The following CTNNA3 variants were observed in gnomAD, a reference collection of about 807,000 sequenced individuals.
The protein encoded by CTNNA3 is catenin alpha 3.
CTNNA3 carries 76 observed loss-of-function variants against 95.7 expected under a neutral mutation model. That is an observed-to-expected ratio of 0.79 (90% CI 0.66 to 0.96). CTNNA3 has a LOEUF of 0.96. CTNNA3 is among the 40% of genes least tolerant of loss of function. The pLI is 0.00. For synonymous variants in CTNNA3, 431 were observed against 374.4 expected (o/e 1.15, Z -1.74); for missense variants, 1,191 against 1,089.8 (o/e 1.09, Z -1.31).
intron 5 of CTNNA3, among the ~76,000 whole-genome samples, chr10:67,260,612 A>G (rs754880996): frequency 2.8e-4 from 43 of 152,310 alleles, no homozygotes; most frequent in Middle Eastern, 3.4e-3. Flanking sequence ...TTGAAATGCA[A>G]GCATTGCAGG....
At chr10:66,217,105 C>G (rs918600544) in intron 13 of CTNNA3, among the ~76,000 whole-genome samples, 1 of 152,096 alleles carries the variant, frequency 6.6e-6, no homozygotes, top group Non-Finnish European at 1.5e-5. Flanking sequence ...CCTGTAATCC[C>G]AGCACTTTGG....
At chr10:67,467,131 T>C (rs1291636142) in intron 5 of CTNNA3, among the ~76,000 whole-genome samples, 1 of 151,740 alleles carries the variant, frequency 6.6e-6, no homozygotes, top group Non-Finnish European at 1.5e-5. Context: ...GAGTGAGATC[T>C]CCTCTCAAAA....
intron 7 of CTNNA3, among the ~76,000 whole-genome samples, chr10:66,888,059 G>T (rs994508066): frequency 3.3e-5 from 5 of 152,148 alleles, no homozygotes; most frequent in Non-Finnish European, 7.4e-5. Context: ...TTGATCATGG[G>T]AGTTCTTAAA....
intron 5 of CTNNA3, among the ~76,000 whole-genome samples, chr10:67,471,486 T>C (rs751082527): frequency 1.3e-5 from 2 of 152,272 alleles, no homozygotes; most frequent in Non-Finnish European, 2.9e-5. Flanking sequence ...GCTTTTACTT[T>C]ACGGATTCAG....
At chr10:66,628,541 A>G (rs541372835) in intron 9 of CTNNA3, among the ~76,000 whole-genome samples, 18 of 152,280 alleles carry the variant, frequency 1.2e-4, no homozygotes, top group Admixed American at 1.2e-3. Flanking sequence ...ACAGAGAAAA[A>G]CTTTGAATAT....
chr10:66,702,484 C>T (rs1409104466), intron 9 of CTNNA3, among the ~76,000 whole-genome samples: 1 of 151,890 alleles, frequency 6.6e-6, no homozygotes, highest in Non-Finnish European at 1.5e-5. Context: ...ATGGGTGGAT[C>T]ACCTGAGGTC....
intron 7 of CTNNA3, among the ~76,000 whole-genome samples, chr10:66,940,140 G>T (rs918721389): frequency 2.0e-5 from 3 of 152,084 alleles, no homozygotes; most frequent in Non-Finnish European, 2.9e-5. Context: ...GCTCCAGAGC[G>T]CATAGTTTGA....
At chr10:67,706,689 C>A (rs1841080877) in intron 1 of CTNNA3, among the ~76,000 whole-genome samples, 2 of 151,990 alleles carry the variant, frequency 1.3e-5, no homozygotes, top group African/African-American at 4.8e-5. Flanking sequence ...TGGCAGGCAC[C>A]CACCTGATGT....
chr10:67,220,400 C>T (rs1864598561), intron 5 of CTNNA3, among the ~76,000 whole-genome samples: 1 of 152,142 alleles, frequency 6.6e-6, no homozygotes, highest in Non-Finnish European at 1.5e-5. Context: ...CAATTAGTTA[C>T]TGAGCACTTA....
In CTNNA3 at chr10:66,067,007, T is replaced by C. The variant is rs556007574; in HGVS notation, c.2159+2301A>G. Among the ~76,000 whole-genome samples the C allele has an allele frequency of 5.3e-5, 8 of 150,970 alleles. No individual in the cohort carries two copies. In the South Asian group the frequency reaches 1.7e-3, roughly 32 times the overall value. On this transcript the variant is annotated intron_variant, in intron 15 of 17. Transcript: ENST00000433211. Reference sequence around the variant, plus strand: ...CCTGTTGGGGCTCAGAAAAAAAAAATATACGCCAAAATGAAGGACTTAGAA... The same window carrying C: ...CCTGTTGGGGCTCAGAAAAAAAAAACATACGCCAAAATGAAGGACTTAGAA...
At chr10:67,211,236 G>A (rs574897637) in intron 6 of CTNNA3, among the ~76,000 whole-genome samples, 50 of 151,194 alleles carry the variant, frequency 3.3e-4, no homozygotes, top group Non-Finnish European at 5.5e-4. Context: ...AAAACTTGCT[G>A]TGGATTCATT....
chr10:66,605,828 G>A (rs1844101574), intron 10 of CTNNA3, among the ~76,000 whole-genome samples: 1 of 152,040 alleles, frequency 6.6e-6, no homozygotes, highest in South Asian at 2.1e-4. Flanking sequence ...TGGAAAGACT[G>A]TTACCAGCCA....
rs115019726 is a variant in CTNNA3 at position 66,866,935 on chromosome 10, G to T, written c.1048-91411C>A. Among the ~76,000 whole-genome samples the T allele has an allele frequency of 7.1e-3, 1,086 of 152,198 alleles. 13 individuals carry two copies. Among genetic ancestry groups the T allele is most frequent in the African/African-American group, 0.025 (1,025 of 41,514 alleles). On this transcript the variant is annotated intron_variant, in intron 7 of 17. Transcript: ENST00000433211. ...GAGAGATAATTGAATCATAGAGGTGGTTTCCTCCATACTGCTCTCATGGTG... is the reference window on the plus strand; with the variant it reads ...GAGAGATAATTGAATCATAGAGGTGTTTTCCTCCATACTGCTCTCATGGTG...
At chr10:66,187,754 A>AAACAAC (rs2131874634) in intron 13 of CTNNA3, among the ~76,000 whole-genome samples, 1 of 152,280 alleles carries the variant, frequency 6.6e-6, no homozygotes, top group African/African-American at 2.4e-5. Context: ...TTAAACAAAT[A>AAACAAC]AACAACAGCA....
intron 13 of CTNNA3, among the ~76,000 whole-genome samples, chr10:66,252,341 T>C (rs1328501986): frequency 6.6e-5 from 10 of 152,228 alleles, no homozygotes. Context: ...CAATTTCTAA[T>C]TAAAATAATT....
rs1191230371 is a variant in CTNNA3, at chr10:65,966,596, G to T, written c.2400+16C>A. ...ATCTTCCACCTGTGATCATGTAAGT[G>T]CTAGGCAGTACTCACAGCTGACATG... On this transcript the variant is annotated intron_variant, in intron 17 of 17. Transcript: ENST00000433211. 2 of 1,609,886 alleles carry T rather than the reference G, an allele frequency of 1.2e-6. No homozygotes were observed. Among genetic ancestry groups the T allele is most frequent in the African/African-American group, 1.3e-5 (1 of 74,848 alleles).
Position 67,538,066 on chromosome 10 carries a change from A to G in CTNNA3, c.459+1437T>C, listed in dbSNP as rs185798674. Among the ~76,000 whole-genome samples the G allele has an allele frequency of 2.4e-3, 358 of 150,700 alleles. 13 individuals are homozygous for G. The highest frequency in any genetic ancestry group is 0.019 in the Admixed American group (286 of 15,168). Reference sequence around the variant, plus strand: ...CAACAAACCAAGAAGCAAGTAACAGAAACCTTTGCTCAATTATATCACCTA... The same window carrying G: ...CAACAAACCAAGAAGCAAGTAACAGGAACCTTTGCTCAATTATATCACCTA... On this transcript the variant is annotated intron_variant, in intron 4 of 17. Transcript: ENST00000433211.
In CTNNA3 at chr10:66,549,089, C is replaced by T. The variant is rs142482971; in HGVS notation, c.1375-28316G>A. The stretch of plus-strand genomic sequence containing the variant: ...CTGCAAGCTCCGGTTCCCGGGTTGA[C>T]GCCATTCTCCTACCTCAGCCTCCCA... On this transcript the variant is annotated intron_variant, in intron 10 of 17. Coordinates refer to ENST00000433211, the MANE Select transcript of CTNNA3 (RefSeq NM_013266.4). 4.0e-3 allele frequency among the ~76,000 whole-genome samples: 603 copies of T among 150,938 alleles called. 2 individuals are homozygous for T. Among genetic ancestry groups the T allele is most frequent in the African/African-American group, 0.014 (574 of 41,094 alleles).
rs897465639 is a variant in CTNNA3 at position 66,390,343 on chromosome 10, C to T, written c.1532-10991G>A. Among the ~76,000 whole-genome samples the T allele has an allele frequency of 2.6e-5, 4 of 152,072 alleles. No individual in the cohort carries two copies. In the East Asian group the frequency reaches 7.7e-4, roughly 29 times the overall value. On this transcript the variant is annotated intron_variant, in intron 11 of 17. Coordinates refer to ENST00000433211, the MANE Select transcript of CTNNA3 (RefSeq NM_013266.4). ...ATAATCCATCAAGCAAGAAATGATA[C>T]ACTATCAACAGTTTCCTCCCCTGAT...
Sources: gnomAD v4.1 joint callset for allele counts (sites outside exome capture counted in the v4.1 genomes callset) on GRCh38, gnomAD v4.1.1 for gene constraint, MANE v1.5 for transcripts, NCBI Gene and HGNC (gene_info 2026-07-23, HGNC 2026-07-21) for gene names.